The following COQ5 variants were observed in gnomAD, a reference collection of about 807,000 sequenced individuals.
COQ5 encodes the protein 2-methoxy-6-polyprenyl-1,4-benzoquinol methylase, mitochondrial.
In COQ5, 27 loss-of-function variants were observed where a neutral mutation model predicts 40.5. The ratio of observed to expected loss-of-function variants is 0.67; its 90% confidence interval spans 0.49 to 0.92. The LOEUF (loss-of-function observed/expected upper bound fraction) is 0.92, where lower values mean the gene tolerates loss of function less well. Ranked by LOEUF, COQ5 falls within the 40% of genes least tolerant of loss-of-function variation. COQ5 has a pLI of 0.00. For missense variants in COQ5, 409 were observed against 406.4 expected, an observed-to-expected ratio of 1.01 and a Z score of -0.06; for synonymous variants, 141 against 150.0, an observed-to-expected ratio of 0.94 and a Z score of 0.44.
chr12:120,509,303 G>A (rs982023208), intron 4 of COQ5, among the ~76,000 whole-genome samples: 1 of 152,118 alleles, frequency 6.6e-6, no homozygotes, highest in African/African-American at 2.4e-5. Flanking sequence ...GATCACTTGA[G>A]CTCAGGGGTT....
intron 4 of COQ5, among the ~76,000 whole-genome samples, chr12:120,507,874 G>A (rs531710605): frequency 6.7e-6 from 1 of 149,670 alleles, no homozygotes; most frequent in African/African-American, 2.4e-5. Flanking sequence ...GTGACAGAGT[G>A]AGACTCTGTC....
At chr12:120,522,667 T>G in intron 1 of COQ5, 1 of 657,790 alleles carries the variant, frequency 1.5e-6, no homozygotes, top group Non-Finnish European at 2.7e-6. Flanking sequence ...ATATCTACTC[T>G]GAAGCCTTCG....
intron 4 of COQ5, among the ~76,000 whole-genome samples, chr12:120,505,728 G>T (rs1159616616): frequency 6.6e-6 from 1 of 151,952 alleles, no homozygotes; most frequent in African/African-American, 2.4e-5. Context: ...GGCTAATTTT[G>T]TATTTTTAGT....
intron 4 of COQ5, among the ~76,000 whole-genome samples, chr12:120,508,918 C>G (rs186369745): frequency 6.6e-6 from 1 of 151,672 alleles, no homozygotes; most frequent in Non-Finnish European, 1.5e-5. Flanking sequence ...CCAGCTACTC[C>G]GGAGGCTGAC....
intron 3 of COQ5, among the ~76,000 whole-genome samples, chr12:120,515,288 C>G (rs1869332048): frequency 6.6e-6 from 1 of 152,066 alleles, no homozygotes; most frequent in African/African-American, 2.4e-5. Flanking sequence ...CAGAGTCTCA[C>G]TATGTTGCCT....
chr12:120,507,675 G>C (rs997918827), intron 4 of COQ5, among the ~76,000 whole-genome samples: 8 of 149,792 alleles, frequency 5.3e-5, no homozygotes, highest in Non-Finnish European at 7.4e-5. Context: ...ATCACCTGAG[G>C]TTGGGAGTTT....
rs775874815 is a variant in COQ5, at chr12:120,503,661, A to T, written c.*123T>A. On this transcript the variant is annotated 3_prime_UTR_variant, in exon 7 of 7. Coordinates refer to ENST00000288532, the MANE Select transcript of COQ5 (RefSeq NM_032314.4). Reference sequence around the variant, plus strand: ...CACTTTGAGACTGTTCGATTCAAACATGAGTCCAAGGCACGTATCCTTAAG... The same window carrying T: ...CACTTTGAGACTGTTCGATTCAAACTTGAGTCCAAGGCACGTATCCTTAAG... 33 of 756,724 alleles carry T rather than the reference A, an allele frequency of 4.4e-5. No homozygotes were observed. The allele number at this position is 756,724 out of a possible 1,614,324, so 46.9% of individuals were successfully genotyped here. A position where few individuals can be genotyped will look rare whatever the true frequency, so the allele number is the denominator to read the frequency against.
In COQ5 at chr12:120,504,156, G is replaced by A. The variant is rs577159956; in HGVS notation, c.771-75C>T. ...TCTTCCCTAGATAAGAAGAAAGAAGGACTAAACCTGGGGTCACAAACTCAA... is the reference window on the plus strand; with the variant it reads ...TCTTCCCTAGATAAGAAGAAAGAAGAACTAAACCTGGGGTCACAAACTCAA... On this transcript the variant is annotated intron_variant, in intron 5 of 6. Coordinates refer to ENST00000288532, the MANE Select transcript of COQ5 (RefSeq NM_032314.4). 195 of 935,272 alleles carry A rather than the reference G, an allele frequency of 2.1e-4. 1 individual carries two copies. The African/African-American group carries it at 2.8e-3, about 13-fold the overall frequency. 57.9% of individuals were successfully genotyped at this position (935,272 alleles called of 1,614,324 possible). A position where few individuals can be genotyped will look rare whatever the true frequency, so the allele number is the denominator to read the frequency against.
chr12:120,528,127 A>C (rs1027564271), intron 1 of COQ5, among the ~76,000 whole-genome samples: 31 of 150,828 alleles, frequency 2.1e-4, no homozygotes, highest in African/African-American at 7.3e-4. Flanking sequence ...GCTTGAACCT[A>C]GGAGGCTGAG....
chr12:120,523,775 C>T (rs931173542), intron 1 of COQ5: 2 of 238,860 alleles, frequency 8.4e-6, no homozygotes, highest in Non-Finnish European at 1.7e-5. Context: ...TTTGGGAGTC[C>T]AAGGGGGGTG....
At chr12:120,525,933 T>TAAAA (rs75514509) in intron 1 of COQ5, among the ~76,000 whole-genome samples, 1 of 40,264 alleles carries the variant, frequency 2.5e-5, no homozygotes. Context: ...TCCAAAAAAA[T>TAAAA]AAATATAAAT....
chr12:120,524,556 G>A (rs1056520082), intron 1 of COQ5, among the ~76,000 whole-genome samples: 15 of 152,048 alleles, frequency 9.9e-5, no homozygotes, highest in African/African-American at 2.9e-4. Flanking sequence ...CACCACGCCC[G>A]GCCTTAAAGT....
intron 2 of COQ5, among the ~76,000 whole-genome samples, chr12:120,521,448 C>T (rs189749300): frequency 3.3e-5 from 5 of 151,412 alleles, no homozygotes; most frequent in Admixed American, 6.6e-5. Context: ...GAGGCCGAGG[C>T]GGGTGTATCA....
intron 2 of COQ5, among the ~76,000 whole-genome samples, chr12:120,521,359 G>A (rs9795621): frequency 0.26 from 39,450 of 151,768 alleles, 5,974 homozygotes; most frequent in East Asian, 0.5. Context: ...GAGCCGCTGC[G>A]GCCAGCCAAT....
Position 120,521,339 on chromosome 12 carries a change from G to A in COQ5, c.352+875C>T, listed in dbSNP as rs145466725. 7.2e-5 allele frequency among the ~76,000 whole-genome samples: 11 copies of A among 152,040 alleles called. No homozygotes were observed. The Middle Eastern group carries it at 0.014, about 188-fold the overall frequency. ...ACCGTGGCCACCCAAAGTGCTGGGA[G>A]TACAGGTGTGAGCCGCTGCGGCCAG... On this transcript the variant is annotated intron_variant, in intron 2 of 6. Coordinates refer to ENST00000288532, the MANE Select transcript of COQ5 (RefSeq NM_032314.4).
At chr12:120,523,323 C>T (rs1249494396) in intron 1 of COQ5, 2 of 297,858 alleles carry the variant, frequency 6.7e-6, no homozygotes, top group African/African-American at 2.3e-5. Flanking sequence ...GGCCACAGAG[C>T]GAGACTCCGT....
At chr12:120,511,885 C>T (rs1323406776) in intron 3 of COQ5, among the ~76,000 whole-genome samples, 2 of 152,134 alleles carry the variant, frequency 1.3e-5, no homozygotes, top group Non-Finnish European at 2.9e-5. Flanking sequence ...TTATATGAAT[C>T]ATGAAACATC....
intron 3 of COQ5, among the ~76,000 whole-genome samples, chr12:120,510,852 C>CT (rs755552845): frequency 6.6e-6 from 1 of 152,088 alleles, no homozygotes; most frequent in Non-Finnish European, 1.5e-5. Flanking sequence ...CTTGATTAGA[C>CT]TTTAACATTA....
Position 120,522,294 on chromosome 12 carries a change from T to G in COQ5, c.272A>C (p.His91Pro), listed in dbSNP as rs759153188. The G allele has an allele frequency of 1.9e-6, 3 of 1,613,792 alleles. No homozygotes were observed. The highest frequency in any genetic ancestry group is 1.3e-5 in the African/African-American group (1 of 74,916). Residue 91 changes from histidine (H) to proline (P), a missense_variant, in exon 2 of 7, where the codon CAT becomes CCT. Physicochemically the swap from His to Pro is moderately conservative, Grantham distance 77. Coordinates refer to ENST00000288532, the MANE Select transcript of COQ5 (RefSeq NM_032314.4). ...VMNDMMSLGI[H>P]RVWKDLLLWK... ...GAGCAGCAAATCCTTCCAAACACGA[T>G]GGATACCAAGACTCATCATATCATT...
Sources: allele counts gnomAD v4.1 joint callset (sites outside exome capture counted in the v4.1 genomes callset), GRCh38; gene constraint gnomAD v4.1.1; transcripts MANE v1.5; gene names NCBI Gene and HGNC (gene_info 2026-07-23, HGNC 2026-07-21).